Variants in ZNF254 observed in about 807,000 individuals in gnomAD.
ZNF254 encodes zinc finger protein 254, also known as CTD-2017D11.1.
A neutral mutation model predicts 12.4 loss-of-function variants in ZNF254; 10 were observed. That is an observed-to-expected ratio of 0.80 (90% CI 0.50 to 1.36). ZNF254 has a LOEUF of 1.36. Among genes scored for constraint, ZNF254 ranks in the 40% most tolerant of loss-of-function variants. The probability of loss-of-function intolerance (pLI) is 0.00; values close to 1 mark genes in which losing one functional copy is unlikely to be tolerated. For missense variants in ZNF254, 996 were observed against 763.9 expected (o/e 1.30, Z -3.58); for synonymous variants, 305 against 253.4 (o/e 1.20, Z -1.93).
chr19:24,110,293 G>A (rs1286128382), intron 3 of ZNF254, among the ~76,000 whole-genome samples: 2 of 151,700 alleles, frequency 1.3e-5, no homozygotes, highest in Non-Finnish European at 2.9e-5. Flanking sequence ...CATGGTGGTG[G>A]CTCATATCTT....
Position 24,081,297 on chromosome 19 carries a change from T to C in ZNF254, c.-93-24643T>C, listed in dbSNP as rs574196946. 9.5e-4 allele frequency among the ~76,000 whole-genome samples: 144 copies of C among 152,182 alleles called. 1 individual carries two copies. The highest frequency in any genetic ancestry group is 3.4e-3 in the African/African-American group (140 of 41,548). On this transcript the variant is annotated intron_variant, in intron 2 of 4. Coordinates refer to the ZNF254 transcript ENST00000613065. ...GGATGCCTCAGGGAAGTCGTAGCAA[T>C]TTCTCTTTCAGTAGATAAAGCCAAT...
At chr19:24,120,994 C>T (rs1434546590) in intron 3 of ZNF254, among the ~76,000 whole-genome samples, 1 of 151,824 alleles carries the variant, frequency 6.6e-6, no homozygotes, top group African/African-American at 2.4e-5. Context: ...CAGCTTTGGC[C>T]TCTTAAAACT....
Position 24,118,295 on chromosome 19 carries a change from G to A in ZNF254, c.254-7959G>A, listed in dbSNP as rs539567521. Among the ~76,000 whole-genome samples the A allele has an allele frequency of 2.8e-4, 42 of 151,942 alleles. No individual in the cohort carries two copies. The East Asian group carries it at 3.3e-3, about 12-fold the overall frequency. ...TCTTGAACTCCTGACCTCAAAATCC[G>A]CCCGCATCAGCCTCCCAAAGTGCTG... On this transcript the variant is annotated intron_variant, in intron 3 of 3. Coordinates refer to ENST00000357002, the MANE Select transcript of ZNF254 (RefSeq NM_203282.4).
At chr19:24,102,176 T>C (rs1306889476) in intron 1 of ZNF254, among the ~76,000 whole-genome samples, 1 of 152,048 alleles carries the variant, frequency 6.6e-6, no homozygotes, top group Non-Finnish European at 1.5e-5. Flanking sequence ...CCATTTTCTT[T>C]ATATTGTGAC....
chr19:24,056,215 A>T (rs1379140928), intron 2 of ZNF254, among the ~76,000 whole-genome samples: 1 of 152,190 alleles, frequency 6.6e-6, no homozygotes, highest in East Asian at 1.9e-4. Flanking sequence ...TGCCCAGGTT[A>T]TGTGACTCTC....
chr19:24,061,089 C>G (rs1417804981), intron 2 of ZNF254, among the ~76,000 whole-genome samples: 1 of 152,202 alleles, frequency 6.6e-6, no homozygotes, highest in African/African-American at 2.4e-5. Context: ...GGGCTGACAC[C>G]TAGGTGAAGG....
chr19:24,104,282 AGTTTTT>A (rs1332961015), intron 1 of ZNF254: 1 of 152,104 alleles, frequency 6.6e-6, no homozygotes, highest in African/African-American at 2.4e-5. Flanking sequence ...AAATGGGTAG[AGTTTTT>A]GTGTCTTGAG....
chr19:24,100,535 A>G (rs1210428748), intron 1 of ZNF254, among the ~76,000 whole-genome samples: 1 of 152,162 alleles, frequency 6.6e-6, no homozygotes, highest in African/African-American at 2.4e-5. Flanking sequence ...ATTGTTCACT[A>G]TTGCCACAGG....
chr19:24,122,978 A>C (rs1015109853), intron 3 of ZNF254, among the ~76,000 whole-genome samples: 1 of 151,550 alleles, frequency 6.6e-6, no homozygotes, highest in Admixed American at 6.6e-5. Flanking sequence ...TGCCTCCAGC[A>C]TTGTTCCTTT....
intron 2 of ZNF254, among the ~76,000 whole-genome samples, chr19:24,050,021 C>T (rs1215757407): frequency 6.6e-6 from 1 of 152,018 alleles, no homozygotes; most frequent in African/African-American, 2.4e-5. Flanking sequence ...GCACTGCCCT[C>T]AGCAGGTGTG....
intron 3 of ZNF254, among the ~76,000 whole-genome samples, chr19:24,116,618 T>TTCG (rs879547764): frequency 6.6e-6 from 1 of 151,944 alleles, no homozygotes; most frequent in Non-Finnish European, 1.5e-5. Context: ...TCAAAGTTTT[T>TTCG]AACTTCTTTG....
intron 2 of ZNF254, among the ~76,000 whole-genome samples, chr19:24,063,632 GACTT>G (rs898137798): frequency 5.3e-5 from 8 of 152,248 alleles, no homozygotes; most frequent in African/African-American, 1.4e-4. Context: ...CTGGAAATGT[GACTT>G]ACTTTTCCTG....
intron 1 of ZNF254, among the ~76,000 whole-genome samples, chr19:24,089,690 A>AT (rs751614996): frequency 7.3e-5 from 11 of 151,664 alleles, no homozygotes; most frequent in Non-Finnish European, 1.5e-4. Flanking sequence ...TCTAAAAGGC[A>AT]TTTCCTAGTG....
chr19:24,100,077 A>G (rs948363173), intron 1 of ZNF254, among the ~76,000 whole-genome samples: 2 of 152,190 alleles, frequency 1.3e-5, no homozygotes, highest in East Asian at 1.9e-4. Context: ...TTTGGTGTCT[A>G]TAGTCCTCTA....
At chr19:24,101,592 TGATA>T (rs1475839061) in intron 1 of ZNF254, among the ~76,000 whole-genome samples, 1 of 152,198 alleles carries the variant, frequency 6.6e-6, no homozygotes, top group Admixed American at 6.5e-5. Context: ...CTGGAAAATA[TGATA>T]TTAGAGTATT....
At chr19:24,117,684 A>C (rs1420835327) in intron 3 of ZNF254, among the ~76,000 whole-genome samples, 1 of 151,794 alleles carries the variant, frequency 6.6e-6, no homozygotes, top group Non-Finnish European at 1.5e-5. Flanking sequence ...CGGCTCTTCC[A>C]CGCTTTGCTG....
At position 24,126,615 on chromosome 19, in the gene ZNF254, T is replaced by C; in HGVS notation, c.615T>C (p.His205=). The change falls in exon 4 of 4, where the codon CAT becomes CAC. Residue 205 remains histidine (H), a synonymous_variant. Transcript: ENST00000357002. ...SHKTQHKSIY[H]REKSYKCKEC... ...AAACCCAACACAAAAGCATTTATCA[T>C]AGAGAGAAGTCCTACAAATGTAAAG... The C allele has an allele frequency of 3.7e-6, 6 of 1,607,940 alleles. No homozygotes were observed. The highest frequency in any genetic ancestry group is 2.2e-5 in the East Asian group (1 of 44,802).
intron 2 of ZNF254, among the ~76,000 whole-genome samples, chr19:24,075,773 T>TG (rs898345917): frequency 6.6e-6 from 1 of 152,212 alleles, no homozygotes; most frequent in Non-Finnish European, 1.5e-5. Context: ...CTAGCAAGCC[T>TG]GGGGGCGCTG....
intron 1 of ZNF254, among the ~76,000 whole-genome samples, chr19:24,045,943 C>A (rs954263301): frequency 6.6e-6 from 1 of 152,038 alleles, no homozygotes; most frequent in Non-Finnish European, 1.5e-5. Flanking sequence ...AGAAAAAAAT[C>A]TTCCTAGTGT....
Sources: allele counts gnomAD v4.1 joint callset (sites outside exome capture counted in the v4.1 genomes callset), GRCh38; gene constraint gnomAD v4.1.1; transcripts MANE v1.5; gene names NCBI Gene and HGNC (gene_info 2026-07-23, HGNC 2026-07-21).